The following KCNQ5 variants were observed in gnomAD, a reference collection of about 807,000 sequenced individuals.
The protein encoded by KCNQ5 is potassium voltage-gated channel subfamily Q member 5, also known as potassium voltage-gated channel subfamily KQT member 5.
KCNQ5 carries 30 observed loss-of-function variants against 98.2 expected under a neutral mutation model. The ratio of observed to expected loss-of-function variants is 0.31; its 90% confidence interval spans 0.23 to 0.41. The LOEUF is 0.41. Among genes scored for constraint, KCNQ5 ranks in the 10% least tolerant of loss-of-function variants. The probability of loss-of-function intolerance (pLI) is 1.00; values close to 1 mark genes in which losing one functional copy is unlikely to be tolerated. For missense variants in KCNQ5, 835 were observed against 1,182.5 expected (o/e 0.71, Z 4.31); for synonymous variants, 458 against 449.4 (o/e 1.02, Z -0.24).
At chr6:73,042,335 G>A (rs909378429) in intron 3 of KCNQ5, 4 of 465,468 alleles carry the variant, frequency 8.6e-6, no homozygotes, top group Non-Finnish European at 1.6e-5. Flanking sequence ...CTACTAAGTG[G>A]TAGAGCTTGA....
rs1459244474 is a variant in KCNQ5 at position 72,801,144 on chromosome 6, G to A, written c.398+178557G>A. Among the ~76,000 whole-genome samples, 33 of 151,850 alleles carry A rather than the reference G, an allele frequency of 2.2e-4. 1 individual carries two copies. The East Asian group carries it at 2.3e-3, about 11-fold the overall frequency. ...AGTTCTGGAGATGTCTATTAGGTCCGCTTGGTGCAGAGCTGAGTTCAATTC... is the reference window on the plus strand; with the variant it reads ...AGTTCTGGAGATGTCTATTAGGTCCACTTGGTGCAGAGCTGAGTTCAATTC... On this transcript the variant is annotated intron_variant, in intron 1 of 13. Transcript: ENST00000370398.
At chr6:72,655,026 G>GTCTTTCTGTCTTTCTT (rs1766082753) in intron 1 of KCNQ5, among the ~76,000 whole-genome samples, 1 of 105,822 alleles carries the variant, frequency 9.4e-6, no homozygotes, top group Non-Finnish European at 2.0e-5. Flanking sequence ...AGGTCTGTCT[G>GTCTTTCTGTCTTTCTT]TCTTTCTTTC....
rs145725910 is a variant in KCNQ5 at position 72,849,153 on chromosome 6, C to T, written c.399-154755C>T. ...ACACACACACACACACATATGCACACGCACATGCACACCAGATTTTCCTTA... is the reference window on the plus strand; with the variant it reads ...ACACACACACACACACATATGCACATGCACATGCACACCAGATTTTCCTTA... On this transcript the variant is annotated intron_variant, in intron 1 of 13. Coordinates refer to ENST00000370398, the MANE Select transcript of KCNQ5 (RefSeq NM_019842.4). Among the ~76,000 whole-genome samples the T allele has an allele frequency of 8.0e-3, 1,210 of 152,072 alleles. 10 individuals carry two copies. Among genetic ancestry groups the T allele is most frequent in the South Asian group, 0.016 (77 of 4,814 alleles).
chr6:73,116,240 G>T lies in KCNQ5; in HGVS notation c.1126-4243G>T, dbSNP rs77711752. On this transcript the variant is annotated intron_variant, in intron 7 of 13. Transcript: ENST00000370398. ...TAGCTAAGAATTGTGATATTAAAAT[G>T]TTGATAGGATGAAAGGAGGGGAAGA... is the stretch of plus-strand genomic sequence containing the variant. 6.2e-3 allele frequency among the ~76,000 whole-genome samples: 944 copies of T among 152,310 alleles called. 12 individuals carry two copies. The highest frequency in any genetic ancestry group is 0.022 in the African/African-American group (910 of 41,562).
At chr6:73,051,705 C>CAAAA (rs201199934) in intron 3 of KCNQ5, among the ~76,000 whole-genome samples, 4 of 97,176 alleles carry the variant, frequency 4.1e-5, no homozygotes, top group African/African-American at 1.7e-4. Context: ...AAGATAGAGG[C>CAAAA]AAAAAAAAAA....
chr6:73,044,537 C>CTAT (rs1427382553), intron 3 of KCNQ5, among the ~76,000 whole-genome samples: 3 of 152,148 alleles, frequency 2.0e-5, no homozygotes, highest in Non-Finnish European at 1.5e-5. Context: ...TATAGTGAAG[C>CTAT]ATGTTCAAAT....
At chr6:73,031,956 A>G (rs976847633) in intron 2 of KCNQ5, among the ~76,000 whole-genome samples, 1 of 152,160 alleles carries the variant, frequency 6.6e-6, no homozygotes, top group African/African-American at 2.4e-5. Flanking sequence ...TCCGTAAGAA[A>G]AGATAAAAAT....
chr6:72,884,581 T>C (rs1778779443), intron 1 of KCNQ5, among the ~76,000 whole-genome samples: 1 of 151,942 alleles, frequency 6.6e-6, no homozygotes. Context: ...GTTGAGTCTA[T>C]AGCAATAGAA....
At chr6:72,794,610 G>A (rs532833125) in intron 1 of KCNQ5, among the ~76,000 whole-genome samples, 2 of 152,296 alleles carry the variant, frequency 1.3e-5, no homozygotes, top group South Asian at 2.1e-4. Flanking sequence ...GGGTGCAAAT[G>A]TAAACATTAT....
chr6:73,157,961 T>C (rs1777435421), intron 10 of KCNQ5: 7 of 766,164 alleles, frequency 9.1e-6, no homozygotes, highest in South Asian at 5.4e-5. Context: ...TGAGCTTGAG[T>C]AGGGACTCTT....
intron 1 of KCNQ5, among the ~76,000 whole-genome samples, chr6:72,716,010 C>T (rs1055812578): frequency 6.6e-6 from 1 of 152,096 alleles, no homozygotes; most frequent in African/African-American, 2.4e-5. Context: ...TATAGAGTTC[C>T]TCTTCCACAA....
At chr6:73,008,293 T>C (rs1769906224) in intron 2 of KCNQ5, among the ~76,000 whole-genome samples, 1 of 152,118 alleles carries the variant, frequency 6.6e-6, no homozygotes, top group South Asian at 2.1e-4. Flanking sequence ...TGGATAAAAG[T>C]TTCTAGTAAA....
At chr6:72,947,051 G>A (rs1582067618) in intron 1 of KCNQ5, among the ~76,000 whole-genome samples, 1 of 152,078 alleles carries the variant, frequency 6.6e-6, no homozygotes, top group East Asian at 1.9e-4. Context: ...ATCCCTAGAT[G>A]ACTAACATCC....
At chr6:72,841,993 T>C (rs1167683178) in intron 1 of KCNQ5, among the ~76,000 whole-genome samples, 1 of 152,196 alleles carries the variant, frequency 6.6e-6, no homozygotes, top group African/African-American at 2.4e-5. Flanking sequence ...TTAATGCACA[T>C]AAAGTATAAA....
Position 72,796,378 on chromosome 6 carries a change from G to A in KCNQ5, c.398+173791G>A, listed in dbSNP as rs143865159. 7.2e-5 allele frequency among the ~76,000 whole-genome samples: 11 copies of A among 152,240 alleles called. No individual in the cohort carries two copies. The East Asian group carries it at 2.1e-3, about 29-fold the overall frequency. ...CTCCCAAGCCTGGACAATGATGTAG[G>A]TGTTGTATTTCAAAACTAGCCAGGA... On this transcript the variant is annotated intron_variant, in intron 1 of 13. Transcript: ENST00000370398.
At chr6:73,181,232 C>T (rs1778394258) in intron 11 of KCNQ5, among the ~76,000 whole-genome samples, 1 of 152,130 alleles carries the variant, frequency 6.6e-6, no homozygotes, top group Admixed American at 6.5e-5. Context: ...ACTGCTGGGG[C>T]ATATCAGTTT....
chr6:72,867,559 A>G (rs1778036468), intron 1 of KCNQ5, among the ~76,000 whole-genome samples: 1 of 152,240 alleles, frequency 6.6e-6, no homozygotes, highest in Admixed American at 6.5e-5. Flanking sequence ...TTAAAACTTC[A>G]CAAAGAGGTA....
At chr6:72,632,351 C>T (rs1386096114) in intron 1 of KCNQ5, among the ~76,000 whole-genome samples, 1 of 152,008 alleles carries the variant, frequency 6.6e-6, no homozygotes, top group African/African-American at 2.4e-5. Context: ...CCGTGTTAGC[C>T]AGGATGGTCT....
At chr6:72,655,024 C>CTTTCT (rs1167032279) in intron 1 of KCNQ5, among the ~76,000 whole-genome samples, 1 of 87,474 alleles carries the variant, frequency 1.1e-5, no homozygotes, top group African/African-American at 1.1e-4. Context: ...CAAGGTCTGT[C>CTTTCT]TGTCTTTCTT....
Sources: gnomAD v4.1 joint callset for allele counts (sites outside exome capture counted in the v4.1 genomes callset) on GRCh38, gnomAD v4.1.1 for gene constraint, MANE v1.5 for transcripts, NCBI Gene and HGNC (gene_info 2026-07-23, HGNC 2026-07-21) for gene names.